GPC5: variants seen among roughly 807,000 people sequenced by gnomAD.
The protein encoded by GPC5 is glypican-5.
Under a neutral mutation model 53.9 loss-of-function variants are expected in GPC5, and 47 were observed. That is an observed-to-expected ratio of 0.87 (90% CI 0.69 to 1.11). The LOEUF (loss-of-function observed/expected upper bound fraction) is 1.11, where lower values mean the gene tolerates loss of function less well. Ranked by LOEUF, GPC5 falls within the 50% of genes most tolerant of loss-of-function variation. The pLI is 0.00. For missense variants in GPC5, 748 were observed against 713.1 expected (o/e 1.05, Z -0.56); for synonymous variants, 286 against 263.3 (o/e 1.09, Z -0.84).
At chr13:92,595,289 A>G (rs1255838224) in intron 7 of GPC5, among the ~76,000 whole-genome samples, 1 of 152,200 alleles carries the variant, frequency 6.6e-6, no homozygotes, top group African/African-American at 2.4e-5. Context: ...CAATGCAGAG[A>G]TCAATAAAAT....
chr13:92,526,860 A>G (rs926775794), intron 7 of GPC5, among the ~76,000 whole-genome samples: 2 of 151,766 alleles, frequency 1.3e-5, no homozygotes, highest in African/African-American at 4.8e-5. Flanking sequence ...GAAGTTAAGT[A>G]TAACCTTAAA....
chr13:92,809,496 A>G (rs1399344746), intron 7 of GPC5, among the ~76,000 whole-genome samples: 1 of 152,096 alleles, frequency 6.6e-6, no homozygotes, highest in East Asian at 1.9e-4. Flanking sequence ...GGGTAATAAG[A>G]CTCAGAGTCT....
chr13:92,322,122 A>T (rs1485610423), intron 7 of GPC5, among the ~76,000 whole-genome samples: 1 of 152,116 alleles, frequency 6.6e-6, no homozygotes, highest in East Asian at 1.9e-4. Flanking sequence ...AAAGGAAATT[A>T]ATATATAACC....
chr13:92,637,528 T>C (rs1450368647), intron 7 of GPC5, among the ~76,000 whole-genome samples: 2 of 152,146 alleles, frequency 1.3e-5, no homozygotes, highest in Non-Finnish European at 2.9e-5. Flanking sequence ...TCAGTTAGAA[T>C]ACTCAGAAGT....
chr13:92,026,197 A>G (rs2040799456), intron 6 of GPC5, among the ~76,000 whole-genome samples: 1 of 152,102 alleles, frequency 6.6e-6, no homozygotes, highest in Admixed American at 6.6e-5. Flanking sequence ...TTATTGTGGG[A>G]ACAAAAATTT....
chr13:91,967,503 T>A (rs562389756), intron 6 of GPC5, among the ~76,000 whole-genome samples: 93 of 152,204 alleles, frequency 6.1e-4, no homozygotes, highest in South Asian at 2.7e-3. Context: ...ATTAAAAAAA[T>A]TATTTTTCCC....
intron 1 of GPC5, among the ~76,000 whole-genome samples, chr13:91,430,363 C>A (rs1192109443): frequency 6.6e-6 from 1 of 152,190 alleles, no homozygotes; most frequent in Non-Finnish European, 1.5e-5. Context: ...TGGCTTAAAC[C>A]AGTCAACATA....
intron 2 of GPC5, among the ~76,000 whole-genome samples, chr13:91,561,435 C>T (rs2031255328): frequency 6.6e-6 from 1 of 152,140 alleles, no homozygotes; most frequent in Admixed American, 6.6e-5. Context: ...ACTTCTATCA[C>T]ACCTCATTTA....
chr13:91,924,831 A>T (rs1257108460), intron 6 of GPC5, among the ~76,000 whole-genome samples: 1 of 151,924 alleles, frequency 6.6e-6, no homozygotes, highest in Non-Finnish European at 1.5e-5. Context: ...AATATACTTC[A>T]TGAATTTTTT....
intron 2 of GPC5, among the ~76,000 whole-genome samples, chr13:91,493,593 T>G (rs1884058866): frequency 6.6e-6 from 1 of 152,136 alleles, no homozygotes; most frequent in South Asian, 2.1e-4. Flanking sequence ...AGTGAGAACC[T>G]GTGCACACGT....
intron 7 of GPC5, among the ~76,000 whole-genome samples, chr13:92,785,215 G>T (rs1207083198): frequency 6.6e-6 from 1 of 152,132 alleles, no homozygotes; most frequent in Non-Finnish European, 1.5e-5. Flanking sequence ...GGCAGAGGTT[G>T]CAGTGAGCCA....
chr13:91,942,500 A>G (rs539633893), intron 6 of GPC5, among the ~76,000 whole-genome samples: 1 of 152,182 alleles, frequency 6.6e-6, no homozygotes, highest in South Asian at 2.1e-4. Context: ...GACTGAATCA[A>G]TCAAAAAGCT....
intron 7 of GPC5, among the ~76,000 whole-genome samples, chr13:92,399,675 A>C (rs1305565704): frequency 1.3e-5 from 2 of 152,216 alleles, no homozygotes; most frequent in African/African-American, 2.4e-5. Context: ...TATTGAGCAC[A>C]GCTTCACGAG....
At chr13:91,898,354 G>A (rs1365024086) in intron 5 of GPC5, among the ~76,000 whole-genome samples, 1 of 152,146 alleles carries the variant, frequency 6.6e-6, no homozygotes, top group Non-Finnish European at 1.5e-5. Context: ...ACACATATTT[G>A]CATTCTGGTT....
In GPC5 at chr13:92,256,442, C is replaced by G. The variant is rs1362260638; in HGVS notation, c.1561+111453C>G. Reference sequence around the variant, plus strand: ...TTTGTGTTTTGAAACATTTTCAAACCCAGAATATTGTCAGAGGTCATCCAG... The same window carrying G: ...TTTGTGTTTTGAAACATTTTCAAACGCAGAATATTGTCAGAGGTCATCCAG... On this transcript the variant is annotated intron_variant, in intron 7 of 7. Coordinates refer to ENST00000377067, the MANE Select transcript of GPC5 (RefSeq NM_004466.6). Among the ~76,000 whole-genome samples, 4 of 151,762 alleles carry G rather than the reference C, an allele frequency of 2.6e-5. No homozygotes were observed. In the East Asian group the frequency reaches 7.7e-4, roughly 29 times the overall value.
At chr13:91,478,782 C>A (rs1416945262) in intron 2 of GPC5, among the ~76,000 whole-genome samples, 1 of 77,860 alleles carries the variant, frequency 1.3e-5, no homozygotes, top group Non-Finnish European at 2.4e-5. Flanking sequence ...AGTTACTTAT[C>A]CTCCATTTGA....
chr13:92,234,807 A>G (rs1293892130), intron 7 of GPC5, among the ~76,000 whole-genome samples: 1 of 152,138 alleles, frequency 6.6e-6, no homozygotes, highest in African/African-American at 2.4e-5. Context: ...GGAGGGGTCA[A>G]ACAGCTCTTT....
chr13:91,449,881 A>G (rs534585245), intron 2 of GPC5, among the ~76,000 whole-genome samples: 1 of 152,308 alleles, frequency 6.6e-6, no homozygotes, highest in South Asian at 2.1e-4. Flanking sequence ...GTATATGACT[A>G]GAATGAAAAT....
chr13:91,617,672 A>G (rs1437423677), intron 2 of GPC5, among the ~76,000 whole-genome samples: 1 of 151,090 alleles, frequency 6.6e-6, no homozygotes, highest in Admixed American at 6.6e-5. Context: ...CCTTCCTTCC[A>G]TTCCTCAATA....
Sources: gnomAD v4.1 joint callset for allele counts (sites outside exome capture counted in the v4.1 genomes callset) on GRCh38, gnomAD v4.1.1 for gene constraint, MANE v1.5 for transcripts, NCBI Gene and HGNC (gene_info 2026-07-23, HGNC 2026-07-21) for gene names.